PTPRK: variants seen among roughly 807,000 people sequenced by gnomAD.
PTPRK encodes protein tyrosine phosphatase receptor type K.
Under a neutral mutation model 178.0 loss-of-function variants are expected in PTPRK, and 75 were observed. That is an observed-to-expected ratio of 0.42 (90% CI 0.35 to 0.51). PTPRK has a LOEUF of 0.51. Ranked by LOEUF, PTPRK falls within the 20% of genes least tolerant of loss-of-function variation. PTPRK has a pLI of 0.02. For missense variants in PTPRK, 1,441 were observed against 1,797.8 expected, an observed-to-expected ratio of 0.80 and a Z score of 3.59; for synonymous variants, 637 against 620.6, an observed-to-expected ratio of 1.03 and a Z score of -0.39.
In PTPRK at chr6:127,993,668, C is replaced by A. The variant is rs1583551954; in HGVS notation, c.2845-959G>T. 4.0e-5 allele frequency among the ~76,000 whole-genome samples: 6 copies of A among 151,536 alleles called. No individual in the cohort carries two copies. In the South Asian group the frequency reaches 1.2e-3, roughly 32 times the overall value. ...AAGATTTCAAATTTTTAATATACCA[C>A]AATGTTTTATGGAAAATAGCACAAT... On this transcript the variant is annotated intron_variant, in intron 18 of 29. Coordinates refer to ENST00000368226, the MANE Select transcript of PTPRK (RefSeq NM_002844.4).
chr6:128,213,233 C>T (rs1016833923), intron 6 of PTPRK, among the ~76,000 whole-genome samples: 6 of 151,986 alleles, frequency 3.9e-5, no homozygotes, highest in Non-Finnish European at 8.8e-5. Flanking sequence ...ATGTACCAGA[C>T]ATCTTGAACA....
At chr6:128,237,128 CAG>C (rs1244720479) in intron 5 of PTPRK, among the ~76,000 whole-genome samples, 29 of 152,274 alleles carry the variant, frequency 1.9e-4, no homozygotes, top group Middle Eastern at 3.4e-3. Context: ...ACACCTTTCA[CAG>C]AGTTATAGTA....
intron 18 of PTPRK, among the ~76,000 whole-genome samples, chr6:127,994,872 C>T (rs762141623): frequency 5.9e-5 from 9 of 151,886 alleles, no homozygotes; most frequent in East Asian, 1.9e-4. Context: ...CTCATTTTAA[C>T]GTCAGAAGTC....
intron 7 of PTPRK, among the ~76,000 whole-genome samples, chr6:128,139,035 G>C (rs1401539486): frequency 1.3e-5 from 2 of 152,078 alleles, no homozygotes; most frequent in Non-Finnish European, 2.9e-5. Flanking sequence ...GAGTAGGGGA[G>C]AATAATGTGA....
At chr6:128,124,138 G>A (rs1392006124) in intron 7 of PTPRK, among the ~76,000 whole-genome samples, 1 of 151,702 alleles carries the variant, frequency 6.6e-6, no homozygotes, top group African/African-American at 2.4e-5. Flanking sequence ...CCGCCTCCCA[G>A]GTTCAAGCAA....
chr6:128,123,428 G>C (rs1353736385), intron 7 of PTPRK, among the ~76,000 whole-genome samples: 12 of 151,954 alleles, frequency 7.9e-5, no homozygotes. Flanking sequence ...TTCTTTTAAA[G>C]GTCAGGCCTG....
intron 3 of PTPRK, among the ~76,000 whole-genome samples, chr6:128,269,579 A>G (rs1819484029): frequency 6.6e-6 from 1 of 152,064 alleles, no homozygotes; most frequent in South Asian, 2.1e-4. Flanking sequence ...AAGTCAGTTA[A>G]AGTGTATAAA....
intron 24 of PTPRK, 96 bp from the exon 25 acceptor site, chr6:127,981,385 G>GAACC: frequency 3.5e-6 from 4 of 1,136,142 alleles, no homozygotes; most frequent in Non-Finnish European, 4.9e-6. Flanking sequence ...AGTAGAAAGT[G>GAACC]AAGGATTTGT....
chr6:128,196,552 A>G (rs1299793158), intron 6 of PTPRK, among the ~76,000 whole-genome samples: 1 of 152,150 alleles, frequency 6.6e-6, no homozygotes, highest in Non-Finnish European at 1.5e-5. Context: ...TGACATTCAT[A>G]GTATCAAAAT....
At chr6:128,249,670 T>G (rs1816125531) in intron 3 of PTPRK, among the ~76,000 whole-genome samples, 1 of 152,122 alleles carries the variant, frequency 6.6e-6, no homozygotes, top group African/African-American at 2.4e-5. Flanking sequence ...GTGAAAAAAC[T>G]ATCCAGGCGC....
chr6:128,506,651 C>T (rs1161296956), intron 1 of PTPRK, among the ~76,000 whole-genome samples: 1 of 123,270 alleles, frequency 8.1e-6, no homozygotes, highest in Non-Finnish European at 1.6e-5. Flanking sequence ...CAGAGTAAAA[C>T]TCTGTCTCAA....
chr6:128,061,604 C>T (rs1250747568), intron 13 of PTPRK, among the ~76,000 whole-genome samples: 2 of 152,056 alleles, frequency 1.3e-5, no homozygotes, highest in East Asian at 1.9e-4. Flanking sequence ...ACAAGACTTG[C>T]CCATAGGAGT....
rs560023062 is a variant in PTPRK, at chr6:128,295,342, T to C, written c.495+26697A>G. 5.9e-5 allele frequency among the ~76,000 whole-genome samples: 9 copies of C among 152,206 alleles called. No individual in the cohort carries two copies. In the South Asian group the frequency reaches 1.9e-3, roughly 32 times the overall value. On this transcript the variant is annotated intron_variant, in intron 3 of 29. Coordinates refer to ENST00000368226, the MANE Select transcript of PTPRK (RefSeq NM_002844.4). ...TAATTTGCCAACCTCTGTTACAGGA[T>C]ACGGAAAAACCATAGGCTGGTAATG...
At chr6:128,506,148 C>T (rs1445258179) in intron 1 of PTPRK, among the ~76,000 whole-genome samples, 2 of 152,156 alleles carry the variant, frequency 1.3e-5, no homozygotes, top group Admixed American at 1.3e-4. Flanking sequence ...AATATACCAA[C>T]ATTCTTAGGC....
intron 3 of PTPRK, among the ~76,000 whole-genome samples, chr6:128,259,882 C>T (rs1306471077): frequency 2.0e-5 from 3 of 152,138 alleles, no homozygotes; most frequent in Non-Finnish European, 4.4e-5. Context: ...AAGAACCCTT[C>T]CACACAACTG....
chr6:127,989,895 T>G (rs1045085756), intron 21 of PTPRK, among the ~76,000 whole-genome samples: 3 of 152,092 alleles, frequency 2.0e-5, no homozygotes, highest in Non-Finnish European at 4.4e-5. Context: ...TCTGTCTGTA[T>G]GTACCTTTGA....
chr6:128,283,692 C>T (rs1008417704), intron 3 of PTPRK, among the ~76,000 whole-genome samples: 2 of 151,934 alleles, frequency 1.3e-5, no homozygotes, highest in Non-Finnish European at 2.9e-5. Context: ...AAATCAAGAG[C>T]ATTTATTATA....
At chr6:128,109,486 T>C (rs1790283791) in intron 7 of PTPRK, among the ~76,000 whole-genome samples, 1 of 152,148 alleles carries the variant, frequency 6.6e-6, no homozygotes, top group Non-Finnish European at 1.5e-5. Flanking sequence ...TCATCAAGAC[T>C]AAAAATGGTA....
At chr6:128,070,410 G>A (rs1206088745) in intron 11 of PTPRK, among the ~76,000 whole-genome samples, 1 of 151,948 alleles carries the variant, frequency 6.6e-6, no homozygotes, top group Non-Finnish European at 1.5e-5. Flanking sequence ...TAGAAGAGGG[G>A]CCCTCACCAA....
Sources: gnomAD v4.1 joint callset for allele counts (sites outside exome capture counted in the v4.1 genomes callset) on GRCh38, gnomAD v4.1.1 for gene constraint, MANE v1.5 for transcripts, NCBI Gene and HGNC (gene_info 2026-07-23, HGNC 2026-07-21) for gene names.